The following CEP128 variants were observed in gnomAD, a reference collection of about 807,000 sequenced individuals.
The protein encoded by CEP128 is centrosomal protein 128kDa.
Under a neutral mutation model 156.7 loss-of-function variants are expected in CEP128, and 132 were observed. That is an observed-to-expected ratio of 0.84 (90% CI 0.73 to 0.97). The LOEUF (loss-of-function observed/expected upper bound fraction) is 0.97. Ranked by LOEUF, CEP128 falls within the 50% of genes least tolerant of loss-of-function variation. CEP128 has a pLI of 0.00. For synonymous variants in CEP128, 469 were observed against 448.9 expected, an observed-to-expected ratio of 1.04 and a Z score of -0.57; for missense variants, 1,252 against 1,281.9, an observed-to-expected ratio of 0.98 and a Z score of 0.36.
chr14:80,719,164 C>T (rs184196546), intron 19 of CEP128, among the ~76,000 whole-genome samples: 158 of 152,278 alleles, frequency 1.0e-3, no homozygotes, highest in African/African-American at 3.8e-3. Flanking sequence ...AAGCTACCAC[C>T]CCATTCCATG....
chr14:80,562,583 A>ATAAAAAAT (rs1379342320), intron 20 of CEP128, among the ~76,000 whole-genome samples: 3 of 152,160 alleles, frequency 2.0e-5, no homozygotes, highest in Non-Finnish European at 2.9e-5. Context: ...ATATCTTTAT[A>ATAAAAAAT]TAAAAAATTA....
chr14:80,570,188 G>T (rs556410197), intron 20 of CEP128, among the ~76,000 whole-genome samples: 1 of 152,250 alleles, frequency 6.6e-6, no homozygotes, highest in Non-Finnish European at 1.5e-5. Flanking sequence ...CACAATCTTG[G>T]CTCACTGCAA....
At position 80,767,303 on chromosome 14, in the gene CEP128, G is replaced by GA. The variant is rs537515680; in HGVS notation, c.2377-5691dup. ...ACTGTCTTACAAAATGGCCAAAAAA[G>GA]AAAAAATAACACATCAAGTGCTGGT... On this transcript the variant is annotated intron_variant, in intron 16 of 24. Coordinates refer to ENST00000555265, the MANE Select transcript of CEP128 (RefSeq NM_152446.5). Among the ~76,000 whole-genome samples, 14 of 151,770 alleles carry GA rather than the reference G, an allele frequency of 9.2e-5. No individual in the cohort carries two copies. In the East Asian group the frequency reaches 2.7e-3, roughly 30 times the overall value.
chr14:80,838,579 A>G (rs140988931), intron 10 of CEP128, among the ~76,000 whole-genome samples: 12 of 152,264 alleles, frequency 7.9e-5, no homozygotes, highest in Non-Finnish European at 1.5e-4. Flanking sequence ...CATCTCTAAA[A>G]TAAGTATTTT....
intron 19 of CEP128, among the ~76,000 whole-genome samples, chr14:80,658,879 G>C (rs1290281652): frequency 1.3e-5 from 2 of 152,124 alleles, no homozygotes; most frequent in Non-Finnish European, 2.9e-5. Flanking sequence ...AGCTCTCACA[G>C]CAATGCTTAA....
intron 19 of CEP128, among the ~76,000 whole-genome samples, chr14:80,620,507 T>C (rs1386028061): frequency 1.3e-5 from 2 of 152,022 alleles, no homozygotes; most frequent in Non-Finnish European, 2.9e-5. Context: ...ATAAGACAAT[T>C]GATTTGTAAA....
intron 19 of CEP128, among the ~76,000 whole-genome samples, chr14:80,627,682 A>C (rs955065713): frequency 6.6e-6 from 1 of 152,078 alleles, no homozygotes. Context: ...TGAGATATTA[A>C]AATACTCAGA....
At chr14:80,953,728 A>C (rs1034772781) in intron 2 of CEP128, among the ~76,000 whole-genome samples, 2 of 152,196 alleles carry the variant, frequency 1.3e-5, no homozygotes, top group African/African-American at 4.8e-5. Context: ...CACGAACAAG[A>C]TTTAAAACAG....
At chr14:80,705,416 C>T (rs1897209062) in intron 19 of CEP128, among the ~76,000 whole-genome samples, 1 of 152,016 alleles carries the variant, frequency 6.6e-6, no homozygotes, top group African/African-American at 2.4e-5. Context: ...TGGTCATATA[C>T]AGGTTCAGTT....
intron 14 of CEP128, among the ~76,000 whole-genome samples, chr14:80,478,950 G>T (rs1566731449): frequency 6.6e-6 from 1 of 152,166 alleles, no homozygotes; most frequent in Non-Finnish European, 1.5e-5. Flanking sequence ...AATAAATAGA[G>T]ATAGAACCTC....
intron 2 of CEP128, among the ~76,000 whole-genome samples, chr14:80,927,284 C>T (rs1885203690): frequency 6.6e-6 from 1 of 152,184 alleles, no homozygotes; most frequent in South Asian, 2.1e-4. Context: ...CAGTGCTGGG[C>T]TCAGTAGGAA....
intron 1 of CEP128, among the ~76,000 whole-genome samples, chr14:80,940,262 G>C (rs78822514): frequency 3.3e-5 from 5 of 152,144 alleles, no homozygotes; most frequent in Admixed American, 6.5e-5. Flanking sequence ...GACAAGATAC[G>C]CTGAGAGAAC....
intron 16 of CEP128, among the ~76,000 whole-genome samples, chr14:80,764,084 C>A (rs112036183): frequency 1.2e-4 from 19 of 152,326 alleles, no homozygotes; most frequent in African/African-American, 4.6e-4. Flanking sequence ...TTTCTGTGGT[C>A]TCCATTACTT....
chr14:80,487,010 A>C (rs1887180996), downstream of CEP128, among the ~76,000 whole-genome samples: 1 of 152,170 alleles, frequency 6.6e-6, no homozygotes, highest in African/African-American at 2.4e-5. Flanking sequence ...GACAGGACCA[A>C]ATACATACAT....
At chr14:80,749,758 A>T (rs1396316617) in intron 18 of CEP128, among the ~76,000 whole-genome samples, 2 of 152,234 alleles carry the variant, frequency 1.3e-5, no homozygotes, top group Non-Finnish European at 2.9e-5. Context: ...TTAAATAATT[A>T]AAAGAATATA....
intron 13 of CEP128, among the ~76,000 whole-genome samples, chr14:80,827,242 AC>A (rs1333284161): frequency 1.3e-5 from 2 of 152,248 alleles, no homozygotes; most frequent in Non-Finnish European, 2.9e-5. Flanking sequence ...AAAAGAAAAA[AC>A]ATAAATTTTT....
intron 19 of CEP128, among the ~76,000 whole-genome samples, chr14:80,728,681 G>A (rs1488423275): frequency 5.3e-5 from 8 of 152,044 alleles, no homozygotes; most frequent in African/African-American, 1.7e-4. Context: ...GATTCTTATT[G>A]TTAACGTATT....
At chr14:80,624,416 A>T (rs1893621892) in intron 19 of CEP128, among the ~76,000 whole-genome samples, 1 of 152,086 alleles carries the variant, frequency 6.6e-6, no homozygotes, top group South Asian at 2.1e-4. Flanking sequence ...CGATATACTA[A>T]TTTTTTCTCC....
intron 19 of CEP128, among the ~76,000 whole-genome samples, chr14:80,660,289 T>G (rs1895343569): frequency 6.6e-6 from 1 of 152,182 alleles, no homozygotes; most frequent in African/African-American, 2.4e-5. Flanking sequence ...ATTTAAAGCC[T>G]TCAGCTTCTA....
Sources: gnomAD v4.1 joint callset for allele counts (sites outside exome capture counted in the v4.1 genomes callset) on GRCh38, gnomAD v4.1.1 for gene constraint, MANE v1.5 for transcripts, NCBI Gene and HGNC (gene_info 2026-07-23, HGNC 2026-07-21) for gene names.